Variants in TM2D1 observed in about 807,000 individuals in gnomAD.
TM2D1 encodes TM2 domain containing 1, also known as TM2 domain-containing protein 1.
Under a neutral mutation model 28.4 loss-of-function variants are expected in TM2D1, and 15 were observed. That is an observed-to-expected ratio of 0.53 (90% CI 0.35 to 0.81). The LOEUF is 0.81. Ranked by LOEUF, TM2D1 falls within the 40% of genes least tolerant of loss-of-function variation. The pLI, the probability that TM2D1 is intolerant of heterozygous loss-of-function variation, is 0.01. For synonymous variants in TM2D1, 93 were observed against 96.2 expected, an observed-to-expected ratio of 0.97 and a Z score of 0.20; for missense variants, 236 against 254.9, an observed-to-expected ratio of 0.93 and a Z score of 0.50.
At chr1:61,724,005 C>T (rs963655647) in intron 1 of TM2D1, among the ~76,000 whole-genome samples, 1 of 152,124 alleles carries the variant, frequency 6.6e-6, no homozygotes, top group Non-Finnish European at 1.5e-5. Flanking sequence ...GAAGAACAGC[C>T]TGGGCAACAT....
chr1:61,691,495 CAAAA>C (rs1183951634), intron 5 of TM2D1, among the ~76,000 whole-genome samples: 1 of 39,346 alleles, frequency 2.5e-5, no homozygotes, highest in Non-Finnish European at 5.1e-5. Flanking sequence ...AACTCCATCT[CAAAA>C]AAAAAAAAAA....
intron 3 of TM2D1, among the ~76,000 whole-genome samples, chr1:61,706,834 A>AAAAGAAAGAAAGAAAGAAAGAAAG (rs71050144): frequency 0.08 from 11,681 of 146,326 alleles, 663 homozygotes; most frequent in Non-Finnish European, 0.11. Flanking sequence ...TGTCTTAAAA[A>AAAAGAAAGAAAGAAAGAAAGAAAG]AAAGAAAGAA....
In TM2D1 at chr1:61,723,749, G is replaced by C; in HGVS notation, c.202C>G (p.Gln68Glu). The change falls in exon 2 of 7, where the codon CAA becomes GAA. Residue 68 changes from glutamine to glutamate, a missense_variant. Transcript: ENST00000606498. ...TAGTTTGTACAGTTAACTGGTTCTT[G>C]CGTAGCGTCATTTATTTTTGGATCT... ...CKDPKINDAT[Q>E]EPVNCTNYTA... is the part of the protein sequence containing the mutation. The C allele has an allele frequency of 2.6e-6, 4 of 1,561,194 alleles. No individual in the cohort carries two copies. The highest frequency in any genetic ancestry group is 3.5e-6 in the Non-Finnish European group (4 of 1,147,674).
intron 3 of TM2D1, among the ~76,000 whole-genome samples, chr1:61,701,321 A>AAAAAAAAAAAAAAAAAAAAAAAAAT (rs1644399709): frequency 7.1e-6 from 1 of 141,780 alleles, no homozygotes; most frequent in South Asian, 2.1e-4. Flanking sequence ...AAAAAAAAAA[A>AAAAAAAAAAAAAAAAAAAAAAAAAT]AAAAAAAAAA....
chr1:61,703,749 T>C (rs868625691), intron 3 of TM2D1, among the ~76,000 whole-genome samples: 2 of 99,338 alleles, frequency 2.0e-5, no homozygotes, highest in Non-Finnish European at 4.0e-5. Context: ...TATATATATA[T>C]ATATATGCAT....
intron 2 of TM2D1, among the ~76,000 whole-genome samples, chr1:61,721,417 C>A (rs1644563329): frequency 6.6e-6 from 1 of 151,758 alleles, no homozygotes; most frequent in Non-Finnish European, 1.5e-5. Flanking sequence ...TGGTGCACGC[C>A]TATAATCCCA....
intron 3 of TM2D1, among the ~76,000 whole-genome samples, chr1:61,703,825 C>T (rs1356366472): frequency 6.8e-6 from 1 of 147,848 alleles, no homozygotes; most frequent in Non-Finnish European, 1.5e-5. Flanking sequence ...GGCACAATCT[C>T]GGCTTACTAC....
intron 2 of TM2D1, among the ~76,000 whole-genome samples, chr1:61,718,004 G>A (rs7532010): frequency 0.042 from 6,351 of 151,958 alleles, 443 homozygotes; most frequent in African/African-American, 0.14. Flanking sequence ...ACAAAGCAGC[G>A]AGACCATGTC....
At position 61,723,788 on chromosome 1, in the gene TM2D1, T is replaced by TAA. The variant is rs147863719; in HGVS notation, c.165-4_165-3dup. On this transcript the variant is annotated splice_polypyrimidine_tract_variant and splice_region_variant and intron_variant, in intron 1 of 6. Transcript: ENST00000606498. ...ATTTTTGGATCTTTACAAATATATG[T>TAA]AAAAAAAAAAGTTAAGGAAATACGG... is the stretch of plus-strand genomic sequence containing the variant. 68 of 1,341,322 alleles carry TAA rather than the reference T, an allele frequency of 5.1e-5. No homozygotes were observed. The highest frequency in any genetic ancestry group is 1.9e-4 in the Middle Eastern group (1 of 5,296). 83.1% of individuals were successfully genotyped at this position (1,341,322 alleles called of 1,614,324 possible).
intron 4 of TM2D1, among the ~76,000 whole-genome samples, chr1:61,696,470 C>T (rs956115776): frequency 3.3e-5 from 5 of 149,298 alleles, no homozygotes; most frequent in Admixed American, 6.8e-5. Flanking sequence ...ACCTGGGAGA[C>T]GGAGGTTGCA....
At chr1:61,686,220 C>A (rs1301451397) in intron 5 of TM2D1, among the ~76,000 whole-genome samples, 1 of 152,140 alleles carries the variant, frequency 6.6e-6, no homozygotes, top group African/African-American at 2.4e-5. Context: ...GATTTAGATA[C>A]AAACACCTCA....
chr1:61,710,883 C>T (rs72925676), intron 2 of TM2D1, among the ~76,000 whole-genome samples: 2 of 152,152 alleles, frequency 1.3e-5, no homozygotes, highest in East Asian at 3.9e-4. Flanking sequence ...CAAACAAACC[C>T]TATAATGACT....
intron 5 of TM2D1, among the ~76,000 whole-genome samples, chr1:61,688,537 A>G (rs773175166): frequency 1.4e-4 from 22 of 152,196 alleles, no homozygotes; most frequent in Non-Finnish European, 2.4e-4. Flanking sequence ...ATCCTGGCCA[A>G]CATGGTGAAA....
chr1:61,700,809 T>A, intron 4 of TM2D1, 125 bp downstream of exon 4: 2 of 673,308 alleles, frequency 3.0e-6, no homozygotes, highest in Non-Finnish European at 4.9e-6. Flanking sequence ...CAGAAGAACA[T>A]TAACTACTCA....
intron 3 of TM2D1, among the ~76,000 whole-genome samples, chr1:61,703,563 C>A (rs1042971988): frequency 2.7e-5 from 4 of 147,238 alleles, no homozygotes; most frequent in African/African-American, 9.9e-5. Flanking sequence ...CAGGCATGTG[C>A]CACCACACCC....
At chr1:61,681,501 A>G (rs957248868) in intron 6 of TM2D1, among the ~76,000 whole-genome samples, 151 bp from the exon 7 acceptor site, 3 of 152,202 alleles carry the variant, frequency 2.0e-5, no homozygotes, top group African/African-American at 7.2e-5. Context: ...GATTACATGA[A>G]TGATAATGCA....
chr1:61,723,696 G>A lies in TM2D1; in HGVS notation c.238+17C>T. On this transcript the variant is annotated intron_variant, in intron 2 of 6. Coordinates refer to ENST00000606498, the MANE Select transcript of TM2D1 (RefSeq NM_032027.3). ...TTTTTAAAATTATTTTTAAAGACATGTTTCTTGAAGTCTTACCATGAGCTG... is the reference window on the plus strand; with the variant it reads ...TTTTTAAAATTATTTTTAAAGACATATTTCTTGAAGTCTTACCATGAGCTG... 1 of 1,394,380 alleles carries A rather than the reference G, an allele frequency of 7.2e-7. No individual in the cohort carries two copies. Among genetic ancestry groups the A allele is most frequent in the Non-Finnish European group, 9.7e-7 (1 of 1,028,804 alleles). The allele number at this position is 1,394,380 out of a possible 1,614,324, so 86.4% of individuals were successfully genotyped here. A position where few individuals can be genotyped will look rare whatever the true frequency, so the allele number is the denominator to read the frequency against.
At chr1:61,713,763 A>G (rs1187640443) in intron 2 of TM2D1, among the ~76,000 whole-genome samples, 1 of 152,194 alleles carries the variant, frequency 6.6e-6, no homozygotes, top group Non-Finnish European at 1.5e-5. Context: ...GACAGTTGCA[A>G]TACAAGACAC....
intron 2 of TM2D1, among the ~76,000 whole-genome samples, chr1:61,719,207 G>A (rs1644542924): frequency 6.6e-6 from 1 of 151,834 alleles, no homozygotes. Context: ...ACACATGTGC[G>A]TCACCATGCC....
Sources: gnomAD v4.1 joint callset for allele counts (sites outside exome capture counted in the v4.1 genomes callset) on GRCh38, gnomAD v4.1.1 for gene constraint, MANE v1.5 for transcripts, NCBI Gene and HGNC (gene_info 2026-07-23, HGNC 2026-07-21) for gene names.